The following ASTN2 variants were observed in gnomAD, a reference collection of about 807,000 sequenced individuals.
The protein encoded by ASTN2 is astrotactin-2.
In ASTN2, 54 loss-of-function variants were observed where a neutral mutation model predicts 139.8. The observed-to-expected ratio is 0.39, with a 90% CI of 0.31 to 0.48. ASTN2 has a LOEUF of 0.48. Among genes scored for constraint, ASTN2 ranks in the 20% least tolerant of loss-of-function variants. ASTN2 has a pLI of 0.95. For synonymous variants in ASTN2, 756 were observed against 719.5 expected (o/e 1.05, Z -0.81); for missense variants, 1,565 against 1,725.1 (o/e 0.91, Z 1.64).
chr9:116,838,142 C>T (rs1393474140), intron 11 of ASTN2, among the ~76,000 whole-genome samples: 1 of 147,702 alleles, frequency 6.8e-6, no homozygotes, highest in Non-Finnish European at 1.5e-5. Context: ...CAGAGTCACG[C>T]TCTGTCACCC....
intron 7 of ASTN2, among the ~76,000 whole-genome samples, chr9:116,982,927 C>T (rs970561134): frequency 2.9e-4 from 44 of 152,120 alleles, no homozygotes; most frequent in Admixed American, 2.3e-3. Flanking sequence ...AGCCAGAGGC[C>T]GCTGCCTCCT....
intron 4 of ASTN2, among the ~76,000 whole-genome samples, chr9:117,135,064 G>C (rs1212039600): frequency 6.6e-6 from 1 of 152,210 alleles, no homozygotes; most frequent in Admixed American, 6.5e-5. Flanking sequence ...CAGCACTGAT[G>C]ACACAGAAAC....
At position 116,425,933 on chromosome 9, in the gene ASTN2, A is replaced by C; in HGVS notation, c.3938T>G (p.Ile1313Ser). 1 of 1,614,124 alleles carries C rather than the reference A, an allele frequency of 6.2e-7. No individual in the cohort carries two copies. Among genetic ancestry groups the C allele is most frequent in the Non-Finnish European group, 8.5e-7 (1 of 1,180,032 alleles). Residue 1313 changes from isoleucine to serine, a missense_variant, in exon 23 of 23, where the codon ATC becomes AGC. Physicochemically the swap from Ile to Ser is moderately radical, Grantham distance 142. Transcript: ENST00000313400. ...VRPAGMVWYS[I>S]LKDTKITCEE... ...ACACGTGATTTTGGTGTCCTTGAGG[A>C]TGCTATACCACACCATGCCTGCAGG...
At chr9:117,173,478 G>A (rs1830842169) in intron 3 of ASTN2, among the ~76,000 whole-genome samples, 1 of 152,066 alleles carries the variant, frequency 6.6e-6, no homozygotes, top group Non-Finnish European at 1.5e-5. Context: ...TTTATAAAAA[G>A]TAGCCATGCT....
chr9:116,640,779 A>G (rs988707851), intron 17 of ASTN2, among the ~76,000 whole-genome samples: 6 of 152,224 alleles, frequency 3.9e-5, no homozygotes, highest in Admixed American at 6.5e-5. Context: ...AGCAAGTTTT[A>G]GTTTTGAAAA....
chr9:116,843,468 G>T (rs914618690), intron 11 of ASTN2, among the ~76,000 whole-genome samples: 2 of 152,084 alleles, frequency 1.3e-5, no homozygotes, highest in Non-Finnish European at 2.9e-5. Context: ...GATCAGCCTG[G>T]CCAACATGGT....
chr9:117,016,175 G>A (rs961958298), intron 6 of ASTN2, among the ~76,000 whole-genome samples: 86 of 152,170 alleles, frequency 5.7e-4, no homozygotes, highest in African/African-American at 2.0e-3. Flanking sequence ...CAGAGATAAG[G>A]AAACTGAGGG....
intron 2 of ASTN2, among the ~76,000 whole-genome samples, chr9:117,252,355 T>C (rs890679680): frequency 5.9e-5 from 9 of 152,238 alleles, no homozygotes; most frequent in African/African-American, 1.9e-4. Flanking sequence ...ACTAAGAAGA[T>C]GCTGCAAGTA....
intron 17 of ASTN2, among the ~76,000 whole-genome samples, chr9:116,621,456 C>T (rs1199306481): frequency 5.9e-5 from 9 of 151,992 alleles, no homozygotes; most frequent in African/African-American, 2.2e-4. Context: ...CACACACACA[C>T]ACACACACAT....
intron 3 of ASTN2, among the ~76,000 whole-genome samples, chr9:117,151,095 T>G (rs1019410868): frequency 6.6e-6 from 1 of 151,950 alleles, no homozygotes; most frequent in African/African-American, 2.4e-5. Flanking sequence ...ACCCCTTGGC[T>G]CAAGGGGTCC....
At chr9:117,322,177 A>G (rs370233280) in intron 1 of ASTN2, among the ~76,000 whole-genome samples, 23 of 151,746 alleles carry the variant, frequency 1.5e-4, no homozygotes, top group African/African-American at 5.3e-4. Flanking sequence ...TAGGAGATAG[A>G]CCCCTCCTCT....
intron 19 of ASTN2, among the ~76,000 whole-genome samples, chr9:116,604,703 A>G (rs1855096224): frequency 6.6e-6 from 1 of 152,186 alleles, no homozygotes; most frequent in Admixed American, 6.5e-5. Context: ...GCTACTGGAG[A>G]AAAGAGACCT....
intron 11 of ASTN2, among the ~76,000 whole-genome samples, chr9:116,843,259 TA>T (rs1231192822): frequency 6.7e-6 from 1 of 149,704 alleles, no homozygotes; most frequent in African/African-American, 2.4e-5. Context: ...TATGCAGCCA[TA>T]AAAAAATCAT....
chr9:117,074,605 C>A (rs781542953), intron 5 of ASTN2, among the ~76,000 whole-genome samples: 3 of 152,126 alleles, frequency 2.0e-5, no homozygotes, highest in Non-Finnish European at 2.9e-5. Context: ...AGGCAGGATG[C>A]GCTGTCAGAA....
intron 3 of ASTN2, among the ~76,000 whole-genome samples, chr9:117,196,425 T>G (rs1003691614): frequency 4.6e-5 from 7 of 152,108 alleles, no homozygotes; most frequent in Admixed American, 1.3e-4. Flanking sequence ...GCAGCTGGCT[T>G]CCCCACAGGC....
chr9:116,844,721 C>T (rs1832376227), intron 11 of ASTN2, among the ~76,000 whole-genome samples: 1 of 152,026 alleles, frequency 6.6e-6, no homozygotes, highest in Non-Finnish European at 1.5e-5. Context: ...ATATTCAGTG[C>T]TCAGTAAATA....
chr9:116,634,613 A>C (rs1240221670), intron 17 of ASTN2, among the ~76,000 whole-genome samples: 1 of 148,266 alleles, frequency 6.7e-6, no homozygotes, highest in Non-Finnish European at 1.5e-5. Context: ...AAAAAAAAAA[A>C]AAATAAGCAA....
chr9:117,230,962 T>C (rs1832873625), intron 2 of ASTN2, among the ~76,000 whole-genome samples: 1 of 152,148 alleles, frequency 6.6e-6, no homozygotes. Context: ...ATCCCCAAAC[T>C]TGCCTGGTCA....
At chr9:116,631,537 A>G (rs1856743761) in intron 17 of ASTN2, among the ~76,000 whole-genome samples, 1 of 151,782 alleles carries the variant, frequency 6.6e-6, no homozygotes, top group Admixed American at 6.6e-5. Context: ...AGGTGGAGAG[A>G]TGATTGGTAG....
Sources: allele counts gnomAD v4.1 joint callset (sites outside exome capture counted in the v4.1 genomes callset), GRCh38; gene constraint gnomAD v4.1.1; transcripts MANE v1.5; gene names NCBI Gene and HGNC (gene_info 2026-07-23, HGNC 2026-07-21).